USH2A: variants seen among roughly 807,000 people sequenced by gnomAD.
The protein encoded by USH2A is usherin.
A neutral mutation model predicts 538.9 loss-of-function variants in USH2A; 443 were observed. The ratio of observed to expected loss-of-function variants is 0.82; its 90% CI spans 0.76 to 0.89. The LOEUF is 0.89. Among genes scored for constraint, USH2A ranks in the 40% least tolerant of loss-of-function variants. The pLI, the probability that USH2A is intolerant of heterozygous loss-of-function variation, is 0.00. For missense variants in USH2A, 6,633 were observed against 6,324.8 expected, an observed-to-expected ratio of 1.05 and a Z score of -1.65; for synonymous variants, 2,413 against 2,273.5, an observed-to-expected ratio of 1.06 and a Z score of -1.75.
intron 67 of USH2A, among the ~76,000 whole-genome samples, chr1:215,641,626 C>A (rs1656687817): frequency 6.6e-6 from 1 of 151,962 alleles, no homozygotes; most frequent in South Asian, 2.1e-4. Context: ...ACAAAATAAT[C>A]AATATATTTG....
At chr1:215,767,608 A>T (rs1661169733) in intron 55 of USH2A, among the ~76,000 whole-genome samples, 1 of 152,228 alleles carries the variant, frequency 6.6e-6, no homozygotes, top group Non-Finnish European at 1.5e-5. Context: ...GGGAGAAAAG[A>T]ATGACAATCC....
intron 32 of USH2A, among the ~76,000 whole-genome samples, chr1:216,003,400 C>T (rs564991630): frequency 6.6e-6 from 1 of 152,180 alleles, no homozygotes; most frequent in East Asian, 1.9e-4. Context: ...ATGAAAACTG[C>T]TGCAGAAAAC....
At chr1:216,303,171 G>A (rs1440444461) in intron 9 of USH2A, among the ~76,000 whole-genome samples, 1 of 151,976 alleles carries the variant, frequency 6.6e-6, no homozygotes, top group African/African-American at 2.4e-5. Flanking sequence ...TAAGAGAACA[G>A]AAGGAGGATT....
chr1:216,271,496 T>C (rs895872111), intron 11 of USH2A, among the ~76,000 whole-genome samples: 10 of 152,148 alleles, frequency 6.6e-5, no homozygotes, highest in African/African-American at 2.4e-4. Flanking sequence ...TACTTCTTTC[T>C]TGATATTCAT....
chr1:216,237,723 C>T (rs770282192), intron 13 of USH2A, among the ~76,000 whole-genome samples: 10 of 152,114 alleles, frequency 6.6e-5, no homozygotes, highest in Non-Finnish European at 1.2e-4. Flanking sequence ...TGGCACACAG[C>T]GGACTCTCAG....
intron 44 of USH2A, among the ~76,000 whole-genome samples, chr1:215,862,469 C>T (rs916195219): frequency 9.9e-5 from 15 of 151,948 alleles, no homozygotes; most frequent in African/African-American, 2.9e-4. Flanking sequence ...ATGTAAATGA[C>T]GAGTTAATGG....
At chr1:216,328,472 CAA>C (rs1214934860) in intron 4 of USH2A, among the ~76,000 whole-genome samples, 2 of 152,078 alleles carry the variant, frequency 1.3e-5, no homozygotes, top group Non-Finnish European at 1.5e-5. Flanking sequence ...TTTTTAATAA[CAA>C]AATTTATTTC....
chr1:216,157,853 T>A (rs1483540932), intron 21 of USH2A, among the ~76,000 whole-genome samples: 2 of 152,158 alleles, frequency 1.3e-5, no homozygotes, highest in Non-Finnish European at 2.9e-5. Context: ...GATACCACGC[T>A]CACTACTTGC....
At chr1:215,744,948 T>C (rs1660430383) in intron 58 of USH2A, among the ~76,000 whole-genome samples, 1 of 152,214 alleles carries the variant, frequency 6.6e-6, no homozygotes, top group Non-Finnish European at 1.5e-5. Flanking sequence ...TATCTCTAGC[T>C]TTCTATCTTT....
At chr1:215,768,785 A>G (rs1041856448) in intron 55 of USH2A, among the ~76,000 whole-genome samples, 1 of 152,182 alleles carries the variant, frequency 6.6e-6, no homozygotes, top group Admixed American at 6.5e-5. Context: ...AGGGGTCTTG[A>G]CCAGTGTGAT....
intron 44 of USH2A, among the ~76,000 whole-genome samples, chr1:215,847,353 T>C (rs1047037297): frequency 6.6e-5 from 10 of 152,180 alleles, no homozygotes; most frequent in Non-Finnish European, 1.2e-4. Flanking sequence ...TGTCAAATTA[T>C]GCATCAAAAA....
At chr1:216,133,062 G>A (rs1277296525) in intron 21 of USH2A, among the ~76,000 whole-genome samples, 1 of 152,014 alleles carries the variant, frequency 6.6e-6, no homozygotes, top group Non-Finnish European at 1.5e-5. Flanking sequence ...TGGGAAGGGA[G>A]AACAAGAGTT....
chr1:216,249,946 G>A (rs1404302078), intron 12 of USH2A, among the ~76,000 whole-genome samples: 2 of 151,952 alleles, frequency 1.3e-5, no homozygotes, highest in Admixed American at 6.6e-5. Flanking sequence ...TAAGGTTCAG[G>A]TCAGTGTTAG....
chr1:215,910,991 C>T (rs561252290), intron 38 of USH2A, among the ~76,000 whole-genome samples: 1 of 151,922 alleles, frequency 6.6e-6, no homozygotes, highest in Non-Finnish European at 1.5e-5. Context: ...TGCTTATACC[C>T]AATACAGAGC....
intron 60 of USH2A, among the ~76,000 whole-genome samples, chr1:215,730,510 C>G (rs890489279): frequency 2.0e-5 from 3 of 152,146 alleles, no homozygotes; most frequent in Non-Finnish European, 4.4e-5. Flanking sequence ...ATTTTCCAGG[C>G]TGTTAGAAGT....
chr1:216,165,646 A>G (rs1239081691), intron 21 of USH2A, among the ~76,000 whole-genome samples: 3 of 152,150 alleles, frequency 2.0e-5, no homozygotes, highest in Non-Finnish European at 4.4e-5. Flanking sequence ...CAGCTAAGTG[A>G]TCCATCTTTT....
At chr1:215,754,232 A>C (rs971174069) in intron 58 of USH2A, among the ~76,000 whole-genome samples, 5 of 152,202 alleles carry the variant, frequency 3.3e-5, no homozygotes, top group African/African-American at 1.2e-4. Flanking sequence ...AATGGCAAAT[A>C]CACCAAGTAA....
At chr1:216,047,381 C>A (rs1031122706) in intron 31 of USH2A, among the ~76,000 whole-genome samples, 1 of 151,988 alleles carries the variant, frequency 6.6e-6, no homozygotes, top group Non-Finnish European at 1.5e-5. Context: ...TGGTCAAAGT[C>A]CTTGTAAGAG....
At chr1:216,287,642 A>G (rs1049040571) in intron 11 of USH2A, among the ~76,000 whole-genome samples, 1 of 152,180 alleles carries the variant, frequency 6.6e-6, no homozygotes, top group African/African-American at 2.4e-5. Context: ...CAGAAAAATC[A>G]GGTTTCAATT....
Sources: allele counts gnomAD v4.1 joint callset (sites outside exome capture counted in the v4.1 genomes callset), GRCh38; gene constraint gnomAD v4.1.1; transcripts MANE v1.5; gene names NCBI Gene and HGNC (gene_info 2026-07-23, HGNC 2026-07-21).